Variants in NCAM2 observed in about 807,000 individuals in gnomAD.
The protein encoded by NCAM2 is N-CAM-2.
In NCAM2, 30 loss-of-function variants were observed where a neutral mutation model predicts 98.1. That is an observed-to-expected ratio of 0.31 (90% CI 0.23 to 0.41). The LOEUF (loss-of-function observed/expected upper bound fraction) is 0.41. Among genes scored for constraint, NCAM2 ranks in the 10% least tolerant of loss-of-function variants. The probability of loss-of-function intolerance (pLI) is 1.00; values close to 1 mark genes in which losing one functional copy is unlikely to be tolerated. For synonymous variants in NCAM2, 368 were observed against 342.4 expected (o/e 1.07, Z -0.83); for missense variants, 867 against 1,005.8 (o/e 0.86, Z 1.87).
chr21:21,015,363 C>T (rs2064286334), intron 1 of NCAM2, among the ~76,000 whole-genome samples: 1 of 152,152 alleles, frequency 6.6e-6, no homozygotes, highest in Non-Finnish European at 1.5e-5. Flanking sequence ...GAAATTGCCA[C>T]AGTCACTTCA....
Position 21,487,899 on chromosome 21 carries a change from G to C in NCAM2, c.2077+10428G>C, listed in dbSNP as rs985567444. On this transcript the variant is annotated intron_variant, in intron 15 of 17. Coordinates refer to ENST00000400546, the MANE Select transcript of NCAM2 (RefSeq NM_004540.5). Reference sequence around the variant, plus strand: ...AAACCTTAGGTGAGTTGCTATTTTTGTTCATTTCTTTCCTAATACTATAGG... The same window carrying C: ...AAACCTTAGGTGAGTTGCTATTTTTCTTCATTTCTTTCCTAATACTATAGG... Among the ~76,000 whole-genome samples, 14 of 151,978 alleles carry C rather than the reference G, an allele frequency of 9.2e-5. 1 individual carries two copies. Among genetic ancestry groups the C allele is most frequent in the Non-Finnish European group, 1.5e-5 (1 of 67,948 alleles).
intron 1 of NCAM2, among the ~76,000 whole-genome samples, chr21:21,055,883 G>A (rs552069955): frequency 5.3e-5 from 8 of 152,078 alleles, no homozygotes; most frequent in Non-Finnish European, 7.4e-5. Context: ...ATCCATGTTC[G>A]GTAATTAGTA....
At position 21,211,037 on chromosome 21, in the gene NCAM2, C is replaced by A. The variant is rs564164396; in HGVS notation, c.56-69541C>A. ...ACACACACACACGGGTTAGTATTAT[C>A]AAGTGTTTCCACCAGCAATTTATTT... On this transcript the variant is annotated intron_variant, in intron 1 of 17. Coordinates refer to ENST00000400546, the MANE Select transcript of NCAM2 (RefSeq NM_004540.5). Among the ~76,000 whole-genome samples the A allele has an allele frequency of 3.3e-5, 5 of 149,356 alleles. No individual in the cohort carries two copies. In the South Asian group the frequency reaches 8.4e-4, roughly 25 times the overall value.
At chr21:21,519,383 G>A (rs759012808) in intron 16 of NCAM2, among the ~76,000 whole-genome samples, 1 of 152,134 alleles carries the variant, frequency 6.6e-6, no homozygotes, top group Non-Finnish European at 1.5e-5. Flanking sequence ...GCCCAAGGCA[G>A]TGGTATTACA....
intron 11 of NCAM2, among the ~76,000 whole-genome samples, chr21:21,419,602 C>T (rs904848506): frequency 1.8e-4 from 27 of 147,158 alleles, no homozygotes; most frequent in Admixed American, 8.4e-4. Flanking sequence ...TGAGTGAGAA[C>T]AGGCGGTGTT....
chr21:21,344,566 G>A (rs73322761), intron 8 of NCAM2, among the ~76,000 whole-genome samples: 3,464 of 152,182 alleles, frequency 0.023, 113 homozygotes, highest in African/African-American at 0.079. Context: ...GGGAAGAGGG[G>A]GAAGAACTGA....
chr21:21,229,816 A>G (rs1022326686), intron 1 of NCAM2, among the ~76,000 whole-genome samples: 22 of 151,408 alleles, frequency 1.5e-4, no homozygotes, highest in Middle Eastern at 6.3e-3. Flanking sequence ...AGGATTTTTC[A>G]TGAACCAAAA....
intron 5 of NCAM2, among the ~76,000 whole-genome samples, chr21:21,303,187 A>G (rs1834302622): frequency 6.6e-6 from 1 of 151,468 alleles, no homozygotes; most frequent in South Asian, 2.1e-4. Flanking sequence ...CCATGTGACA[A>G]ACCTGCACAT....
intron 12 of NCAM2, among the ~76,000 whole-genome samples, chr21:21,452,576 G>T (rs1981313898): frequency 1.2e-5 from 1 of 83,576 alleles, no homozygotes; most frequent in Non-Finnish European, 2.5e-5. Context: ...TATATATATT[G>T]TATATATATT....
chr21:21,017,568 C>T (rs975359978), intron 1 of NCAM2, among the ~76,000 whole-genome samples: 2 of 151,672 alleles, frequency 1.3e-5, no homozygotes, highest in Non-Finnish European at 2.9e-5. Flanking sequence ...TGCAGACTCA[C>T]TAATCCGGGT....
chr21:21,383,804 T>C (rs1372163509), intron 9 of NCAM2, among the ~76,000 whole-genome samples: 2 of 152,096 alleles, frequency 1.3e-5, no homozygotes, highest in Non-Finnish European at 2.9e-5. Flanking sequence ...GCAGTATTTT[T>C]ATTATTTTTC....
chr21:21,136,623 G>GGTTTTTTTTTTT (rs373375869), intron 1 of NCAM2, among the ~76,000 whole-genome samples: 1 of 55,750 alleles, frequency 1.8e-5, no homozygotes, highest in African/African-American at 1.1e-4. Flanking sequence ...CACCACGCCT[G>GGTTTTTTTTTTT]TTTTTTGTTT....
intron 1 of NCAM2, among the ~76,000 whole-genome samples, chr21:21,125,501 G>A (rs13047089): frequency 0.94 from 89,279 of 94,962 alleles, 42,409 homozygotes; most frequent in East Asian, 1. Context: ...TATGTAATAT[G>A]TAATATTTTA....
chr21:21,262,367 A>G (rs1216850825), intron 1 of NCAM2, among the ~76,000 whole-genome samples: 2 of 152,098 alleles, frequency 1.3e-5, no homozygotes, highest in Non-Finnish European at 2.9e-5. Context: ...TTAAACCAGT[A>G]TTACCCTGAT....
chr21:21,245,524 C>T (rs59310801), intron 1 of NCAM2, among the ~76,000 whole-genome samples: 3,668 of 152,228 alleles, frequency 0.024, 123 homozygotes, highest in East Asian at 0.16. Flanking sequence ...AGTGGCCAGA[C>T]GTGTCCACTC....
At chr21:21,393,990 T>C (rs1040630657) in intron 9 of NCAM2, among the ~76,000 whole-genome samples, 3 of 150,252 alleles carry the variant, frequency 2.0e-5, no homozygotes, top group Admixed American at 6.7e-5. Flanking sequence ...TGTTTTATCA[T>C]GAATGAAAGT....
chr21:21,272,323 G>A (rs2147437087), intron 1 of NCAM2, among the ~76,000 whole-genome samples: 1 of 152,194 alleles, frequency 6.6e-6, no homozygotes, highest in Middle Eastern at 3.4e-3. Flanking sequence ...CACTAGTGTT[G>A]GACTGGTAAC....
chr21:21,231,289 T>A (rs992650483), intron 1 of NCAM2, among the ~76,000 whole-genome samples: 4 of 151,304 alleles, frequency 2.6e-5, no homozygotes, highest in South Asian at 4.1e-4. Flanking sequence ...AAATTGAACT[T>A]CTCTGGGATT....
At chr21:21,149,639 T>A (rs1440497278) in intron 1 of NCAM2, among the ~76,000 whole-genome samples, 2 of 151,712 alleles carry the variant, frequency 1.3e-5, no homozygotes, top group Non-Finnish European at 2.9e-5. Context: ...ATTTTTCAAC[T>A]CCCACTTATC....
Sources: allele counts gnomAD v4.1 joint callset (sites outside exome capture counted in the v4.1 genomes callset), GRCh38; gene constraint gnomAD v4.1.1; transcripts MANE v1.5; gene names NCBI Gene and HGNC (gene_info 2026-07-23, HGNC 2026-07-21).